ZNF75D: variants seen among roughly 807,000 people sequenced by gnomAD.
The protein encoded by ZNF75D is zinc finger protein 75D.
A neutral mutation model predicts 33.3 loss-of-function variants in ZNF75D; 33 were observed. The ratio of observed to expected loss-of-function variants is 0.99; its 90% CI spans 0.75 to 1.32. ZNF75D has a LOEUF of 1.32. ZNF75D is among the 40% of genes most tolerant of loss of function. The probability of loss-of-function intolerance (pLI) is 0.00; values close to 1 mark genes in which losing one functional copy is unlikely to be tolerated. For synonymous variants in ZNF75D, 113 were observed against 130.6 expected (o/e 0.87, Z 0.92); for missense variants, 338 against 367.5 (o/e 0.92, Z 0.66).
chrX:135,326,852 G>C (rs1391979138), intron 1 of ZNF75D, among the ~76,000 whole-genome samples: 1 of 111,366 alleles, frequency 9.0e-6, no homozygotes, highest in African/African-American at 3.3e-5. Context: ...AAGAGACTCC[G>C]AACACATCCG....
intron 1 of ZNF75D, among the ~76,000 whole-genome samples, chrX:135,268,129 A>G (rs1446145093): frequency 4.0e-5 from 4 of 100,226 alleles, no homozygotes; most frequent in African/African-American, 1.5e-4. Flanking sequence ...AATAAAAGCC[A>G]TGTAGGACAA....
intron 1 of ZNF75D, among the ~76,000 whole-genome samples, chrX:135,277,336 TTC>T (rs2083902948): frequency 8.9e-6 from 1 of 112,261 alleles, no homozygotes; most frequent in Non-Finnish European, 1.9e-5. Context: ...TGATGAGGTT[TTC>T]TTTTTTTCTT....
At chrX:135,257,673 T>C (rs1390537813) in intron 1 of ZNF75D, among the ~76,000 whole-genome samples, 7 of 112,192 alleles carry the variant, frequency 6.2e-5, no homozygotes, top group Admixed American at 1.9e-4. Context: ...CCAGTGGTGG[T>C]AGCCACAGAG....
intron 1 of ZNF75D, among the ~76,000 whole-genome samples, chrX:135,308,738 C>A (rs2084320362): frequency 8.9e-6 from 1 of 111,742 alleles, no homozygotes; most frequent in Admixed American, 9.5e-5. Context: ...CTTTAAATAA[C>A]TGAGATTATG....
At position 135,286,475 on chromosome X, in the gene ZNF75D, C is replaced by T. The variant is rs782433679; in HGVS notation, c.*662G>A. Reference sequence around the variant, plus strand: ...CAAGAGGAGAGATATCAAGTGCTTGCAAGGTCCCTAGGCCTGTCCTTACAT... The same window carrying T: ...CAAGAGGAGAGATATCAAGTGCTTGTAAGGTCCCTAGGCCTGTCCTTACAT... On this transcript the variant is annotated 3_prime_UTR_variant, in exon 7 of 7. Coordinates refer to ENST00000370766, the MANE Select transcript of ZNF75D (RefSeq NM_007131.5). The T allele has an allele frequency of 9.8e-5, 11 of 112,338 alleles. No individual in the cohort carries two copies. The highest frequency in any genetic ancestry group is 3.6e-4 in the African/African-American group (11 of 30,908). 9.3% of individuals were successfully genotyped at this position (112,338 alleles called of 1,213,427 possible). A position where few individuals can be genotyped will look rare whatever the true frequency, so the allele number is the denominator to read the frequency against.
In ZNF75D at chrX:135,294,147, T is replaced by C. The variant is rs782537963; in HGVS notation, c.-7A>G. On this transcript the variant is annotated 5_prime_UTR_variant, in exon 3 of 7. Coordinates refer to ENST00000370766, the MANE Select transcript of ZNF75D (RefSeq NM_007131.5). ...TCAGCTCTCTCATCGCCATTTGCTC[T>C]AGGAACAGTTTTACTCTTGTATGTG... The C allele has an allele frequency of 8.5e-7, 1 of 1,178,180 alleles. No individual in the cohort carries two copies. The highest frequency in any genetic ancestry group is 1.1e-6 in the Non-Finnish European group (1 of 878,913).
At chrX:135,292,582 G>T in intron 3 of ZNF75D, 109 bp from the exon 4 acceptor site, 1 of 604,282 alleles carries the variant, frequency 1.7e-6, no homozygotes, top group South Asian at 3.4e-5. Context: ...CATGACATTA[G>T]AGAAGTAATA....
intron 1 of ZNF75D, among the ~76,000 whole-genome samples, chrX:135,269,706 A>C (rs2083875220): frequency 9.0e-6 from 1 of 111,619 alleles, no homozygotes; most frequent in Non-Finnish European, 1.9e-5. Context: ...CAAAATACTA[A>C]AAATAGAGCT....
At chrX:135,324,487 C>T (rs1445680393) in intron 1 of ZNF75D, among the ~76,000 whole-genome samples, 2 of 112,770 alleles carry the variant, frequency 1.8e-5, no homozygotes, top group Non-Finnish European at 3.7e-5. Context: ...ACAGAGGATG[C>T]TGCTGTTAGT....
intron 1 of ZNF75D, among the ~76,000 whole-genome samples, chrX:135,325,325 G>A (rs1004716993): frequency 3.6e-5 from 4 of 109,746 alleles, no homozygotes; most frequent in South Asian, 7.9e-4. Context: ...TGCTCTCGGC[G>A]CCTCCTCTGC....
chrX:135,274,597 T>C (rs1015058661), intron 1 of ZNF75D, among the ~76,000 whole-genome samples: 1 of 112,092 alleles, frequency 8.9e-6, no homozygotes, highest in Non-Finnish European at 1.9e-5. Flanking sequence ...TGATGCTCGC[T>C]GTTTATTAAA....
At chrX:135,341,531 G>A (rs1240977837) in intron 1 of ZNF75D, among the ~76,000 whole-genome samples, 1 of 111,724 alleles carries the variant, frequency 9.0e-6, no homozygotes, top group Admixed American at 9.5e-5. Flanking sequence ...TATTTCCCCA[G>A]TTCCAGAATG....
chrX:135,326,759 C>T (rs951697468), intron 1 of ZNF75D, among the ~76,000 whole-genome samples: 3 of 110,736 alleles, frequency 2.7e-5, no homozygotes, highest in Admixed American at 9.5e-5. Flanking sequence ...ACTCCAGATG[C>T]GCTGCCTTAA....
intron 1 of ZNF75D, among the ~76,000 whole-genome samples, chrX:135,265,724 A>C (rs1450993015): frequency 8.9e-5 from 10 of 112,207 alleles, no homozygotes; most frequent in Non-Finnish European, 1.9e-5. Flanking sequence ...GAGTTCTTCA[A>C]TCTGAAAGAA....
chrX:135,310,896 T>C (rs2084351316), intron 1 of ZNF75D, among the ~76,000 whole-genome samples: 1 of 110,754 alleles, frequency 9.0e-6, no homozygotes, highest in African/African-American at 3.3e-5. Context: ...GACTGTAGGT[T>C]GGAAGGGGAG....
At chrX:135,263,790 G>T (rs782100701) in intron 1 of ZNF75D, among the ~76,000 whole-genome samples, 2 of 112,692 alleles carry the variant, frequency 1.8e-5, no homozygotes, top group Non-Finnish European at 3.8e-5. Flanking sequence ...GCGACACCCC[G>T]CCCTGCTTCA....
At chrX:135,272,562 A>T (rs782358852) in intron 1 of ZNF75D, among the ~76,000 whole-genome samples, 19 of 110,521 alleles carry the variant, frequency 1.7e-4, no homozygotes, top group African/African-American at 6.3e-4. Flanking sequence ...GGCTTATCTC[A>T]GTTGCGGGAT....
chrX:135,294,184 C>A lies in ZNF75D; in HGVS notation c.-44G>T. ...TACTCTTGTATGTGACACTGACACCCACCTGGTACCACCTTTGACAAATCA... is the reference window on the plus strand; with the variant it reads ...TACTCTTGTATGTGACACTGACACCAACCTGGTACCACCTTTGACAAATCA... On this transcript the variant is annotated 5_prime_UTR_variant, in exon 3 of 7. Coordinates refer to ENST00000370766, the MANE Select transcript of ZNF75D (RefSeq NM_007131.5). The A allele has an allele frequency of 9.5e-7, 1 of 1,057,727 alleles. No individual in the cohort carries two copies. The highest frequency in any genetic ancestry group is 1.3e-6 in the Non-Finnish European group (1 of 783,318). 87.2% of individuals were successfully genotyped at this position (1,057,727 alleles called of 1,213,427 possible).
rs781958745 is a variant in ZNF75D at position 135,341,760 on chromosome X, T to C, written c.-391+8A>G. 9 of 112,324 alleles carry C rather than the reference T, an allele frequency of 8.0e-5. No homozygotes were observed. Among genetic ancestry groups the C allele is most frequent in the Non-Finnish European group, 5.6e-5 (3 of 53,277 alleles). The allele number at this position is 112,324 out of a possible 1,213,427, so 9.3% of individuals were successfully genotyped here. On this transcript the variant is annotated splice_region_variant and intron_variant, in intron 1 of 6. Transcript: ENST00000370766. ...CTTCAAATATGCAGACATCCCCATT[T>C]AACTCACCTGTTTGGCCTATGCAGA... is the stretch of plus-strand genomic sequence containing the variant.
Sources: gnomAD v4.1 joint callset for allele counts (sites outside exome capture counted in the v4.1 genomes callset) on GRCh38, gnomAD v4.1.1 for gene constraint, MANE v1.5 for transcripts, NCBI Gene and HGNC (gene_info 2026-07-23, HGNC 2026-07-21) for gene names.